The following NKAIN2 variants were observed in gnomAD, a reference collection of about 807,000 sequenced individuals.
NKAIN2 encodes sodium/potassium transporting ATPase interacting 2, also known as sodium/potassium-transporting ATPase subunit beta-1-interacting protein 2.
A neutral mutation model predicts 32.6 loss-of-function variants in NKAIN2; 14 were observed. The ratio of observed to expected loss-of-function variants is 0.43; its 90% CI spans 0.28 to 0.67. The LOEUF is 0.67. NKAIN2 is among the 30% of genes least tolerant of loss of function. The pLI is 0.17. For synonymous variants in NKAIN2, 80 were observed against 87.2 expected (o/e 0.92, Z 0.46); for missense variants, 198 against 258.3 (o/e 0.77, Z 1.60).
At chr6:124,201,771 G>T (rs1790603908) in intron 1 of NKAIN2, among the ~76,000 whole-genome samples, 1 of 151,886 alleles carries the variant, frequency 6.6e-6, no homozygotes, top group Non-Finnish European at 1.5e-5. Flanking sequence ...GTTATCAAAT[G>T]GTAGCTAAAT....
chr6:124,283,110 A>G lies in NKAIN2; in HGVS notation c.160A>G (p.Thr54Ala), dbSNP rs1367851212. 1.9e-6 allele frequency: 3 copies of G among 1,610,338 alleles called. No homozygotes were observed. The highest frequency in any genetic ancestry group is 2.2e-5 in the South Asian group (2 of 91,010). The change falls in exon 2 of 7, where the codon ACT becomes GCT. Residue 54 changes from threonine to alanine, a missense_variant. Thr to Ala is a moderately conservative substitution (Grantham distance 58). Transcript: ENST00000368417. The stretch of plus-strand genomic sequence containing the variant: ...TATCGTCATTCTTGGTTTGTTTGGA[A>G]CTATTCAATATAGACCTCGTTACAT... ...IIIVILGLFG[T>A]IQYRPRYITG...
chr6:124,445,000 T>C (rs887655198), intron 3 of NKAIN2, among the ~76,000 whole-genome samples: 1 of 151,936 alleles, frequency 6.6e-6, no homozygotes, highest in Non-Finnish European at 1.5e-5. Context: ...AAATAATACA[T>C]GCATGCAATG....
chr6:124,659,016 G>A (rs1031691308), intron 4 of NKAIN2: 3 of 149,398 alleles, frequency 2.0e-5, no homozygotes, highest in Admixed American at 1.3e-4. Flanking sequence ...AATAACATAT[G>A]TGTACAACAT....
At chr6:124,505,126 A>C (rs1029304539) in intron 3 of NKAIN2, among the ~76,000 whole-genome samples, 3 of 152,242 alleles carry the variant, frequency 2.0e-5, no homozygotes, top group Non-Finnish European at 4.4e-5. Context: ...TAACATTTAG[A>C]TCTAAAGCGA....
chr6:124,496,491 A>C (rs1778068417), intron 3 of NKAIN2, among the ~76,000 whole-genome samples: 1 of 152,140 alleles, frequency 6.6e-6, no homozygotes, highest in African/African-American at 2.4e-5. Flanking sequence ...ATAAATTGCA[A>C]GGTAGAGAGG....
At chr6:124,090,178 G>GT in intron 1 of NKAIN2, among the ~76,000 whole-genome samples, 1 of 152,086 alleles carries the variant, frequency 6.6e-6, no homozygotes, top group South Asian at 2.1e-4. Flanking sequence ...TTAGAAGAGT[G>GT]TTTTAGTAAT....
At chr6:124,028,000 T>C (rs1216206008) in intron 1 of NKAIN2, among the ~76,000 whole-genome samples, 1 of 152,130 alleles carries the variant, frequency 6.6e-6, no homozygotes, top group Non-Finnish European at 1.5e-5. Context: ...CCTTCTTAAC[T>C]CTATCTTTGG....
intron 1 of NKAIN2, among the ~76,000 whole-genome samples, chr6:124,169,105 A>T (rs1484563700): frequency 6.6e-6 from 1 of 152,152 alleles, no homozygotes; most frequent in Non-Finnish European, 1.5e-5. Context: ...ATGTGCACAG[A>T]CACATATATG....
chr6:123,932,988 A>G (rs561910624), intron 1 of NKAIN2, among the ~76,000 whole-genome samples: 26 of 151,810 alleles, frequency 1.7e-4, no homozygotes, highest in African/African-American at 6.3e-4. Context: ...TATGAATTAA[A>G]CCCCACGACA....
At chr6:124,790,134 TGC>T (rs1458830459) in intron 4 of NKAIN2, among the ~76,000 whole-genome samples, 1 of 152,124 alleles carries the variant, frequency 6.6e-6, no homozygotes, top group Non-Finnish European at 1.5e-5. Flanking sequence ...AGCTAGAATC[TGC>T]CAGAACGTGC....
At chr6:124,437,648 A>T (rs1226992308) in intron 3 of NKAIN2, among the ~76,000 whole-genome samples, 1 of 152,114 alleles carries the variant, frequency 6.6e-6, no homozygotes, top group Non-Finnish European at 1.5e-5. Context: ...GTTCCTCCCC[A>T]TAAAGCTCAC....
intron 3 of NKAIN2, among the ~76,000 whole-genome samples, chr6:124,359,563 GCTCT>G (rs1377117443): frequency 6.6e-6 from 1 of 151,940 alleles, no homozygotes; most frequent in African/African-American, 2.4e-5. Flanking sequence ...TCATGATTTG[GCTCT>G]CTGTTTGTCT....
chr6:124,679,259 G>C (rs768306406), intron 4 of NKAIN2, among the ~76,000 whole-genome samples: 1 of 152,028 alleles, frequency 6.6e-6, no homozygotes, highest in Non-Finnish European at 1.5e-5. Flanking sequence ...CCGGGACAAG[G>C]GTGGGACTAT....
intron 3 of NKAIN2, among the ~76,000 whole-genome samples, chr6:124,627,518 C>T (rs1233091102): frequency 2.0e-5 from 3 of 152,154 alleles, no homozygotes; most frequent in Non-Finnish European, 4.4e-5. Flanking sequence ...AGTGTTCTCT[C>T]ATTCTATGTA....
At chr6:124,439,482 A>G (rs1030823054) in intron 3 of NKAIN2, among the ~76,000 whole-genome samples, 2 of 151,860 alleles carry the variant, frequency 1.3e-5, no homozygotes, top group Admixed American at 6.6e-5. Context: ...TGGTCTTTTC[A>G]GAAGCAAATC....
intron 3 of NKAIN2, among the ~76,000 whole-genome samples, chr6:124,589,035 A>G (rs111313572): frequency 2.3e-3 from 355 of 152,336 alleles, no homozygotes; most frequent in African/African-American, 8.2e-3. Flanking sequence ...ATAATCTAGT[A>G]CATAATCATT....
intron 1 of NKAIN2, among the ~76,000 whole-genome samples, chr6:124,214,436 A>T (rs1327091524): frequency 6.6e-6 from 1 of 152,184 alleles, no homozygotes; most frequent in African/African-American, 2.4e-5. Context: ...AACTTGCAAA[A>T]TTCCTGAAAA....
At chr6:124,239,084 C>CA (rs539316873) in intron 1 of NKAIN2, among the ~76,000 whole-genome samples, 61 of 151,004 alleles carry the variant, frequency 4.0e-4, no homozygotes, top group East Asian at 2.1e-3. Flanking sequence ...CAAGCAAAAA[C>CA]AAAAAAAAGC....
chr6:124,367,274 T>C (rs555963542), intron 3 of NKAIN2, among the ~76,000 whole-genome samples: 272 of 152,326 alleles, frequency 1.8e-3, no homozygotes, highest in Middle Eastern at 3.4e-3. Context: ...GTTGGAATCA[T>C]GTTTTATGCA....
Sources: gnomAD v4.1 joint callset for allele counts (sites outside exome capture counted in the v4.1 genomes callset) on GRCh38, gnomAD v4.1.1 for gene constraint, MANE v1.5 for transcripts, NCBI Gene and HGNC (gene_info 2026-07-23, HGNC 2026-07-21) for gene names.